The following USP45 variants were observed in gnomAD, a reference collection of about 807,000 sequenced individuals.
USP45 encodes the protein ubiquitin specific peptidase 45.
USP45 carries 89 observed loss-of-function variants against 95.8 expected under a neutral mutation model. The ratio of observed to expected loss-of-function variants is 0.93; its 90% CI spans 0.78 to 1.11. USP45 has a LOEUF of 1.11. Among genes scored for constraint, USP45 ranks in the 50% least tolerant of loss-of-function variants. The pLI is 0.00. For synonymous variants in USP45, 281 were observed against 316.2 expected (o/e 0.89, Z 1.18); for missense variants, 898 against 942.5 (o/e 0.95, Z 0.62).
intron 13 of USP45, among the ~76,000 whole-genome samples, chr6:99,450,384 C>T (rs951938932): frequency 6.6e-6 from 1 of 152,118 alleles, no homozygotes; most frequent in African/African-American, 2.4e-5. Flanking sequence ...TACAAACTAC[C>T]ATCAGAGAAT....
chr6:99,512,821 C>T lies in USP45; in HGVS notation c.-11+2571G>A, dbSNP rs1800191347. ...TCTCTACCTTCTCCCTCCAAACTTC[C>T]TCATCTACTCTCCCCTACAGTTCCA... is the stretch of plus-strand genomic sequence containing the variant. On this transcript the variant is annotated intron_variant, in intron 1 of 17. Transcript: ENST00000500704. 2.6e-5 allele frequency among the ~76,000 whole-genome samples: 3 copies of T among 115,622 alleles called. No individual in the cohort carries two copies. In the South Asian group the frequency reaches 1.1e-3, roughly 41 times the overall value. The allele number at this position is 115,622 out of a possible 152,430, so 75.9% of individuals were successfully genotyped here.
chr6:99,505,299 T>C (rs889620021), intron 4 of USP45, among the ~76,000 whole-genome samples: 1 of 152,160 alleles, frequency 6.6e-6, no homozygotes, highest in African/African-American at 2.4e-5. Flanking sequence ...AATTACCTGT[T>C]TCCTTTATCC....
chr6:99,487,795 C>T (rs576253838), intron 7 of USP45, among the ~76,000 whole-genome samples: 116 of 151,622 alleles, frequency 7.7e-4, no homozygotes, highest in African/African-American at 2.6e-3. Context: ...AGCGAGACCC[C>T]GTCTCAAAAA....
intron 13 of USP45, among the ~76,000 whole-genome samples, chr6:99,447,680 C>T (rs982844193): frequency 2.8e-4 from 42 of 152,278 alleles, no homozygotes; most frequent in African/African-American, 9.9e-4. Context: ...CCCTGTCTGA[C>T]AGCTTTGAAG....
chr6:99,514,504 A>G (rs757936429), intron 1 of USP45, among the ~76,000 whole-genome samples: 1 of 152,176 alleles, frequency 6.6e-6, no homozygotes, highest in Admixed American at 6.5e-5. Flanking sequence ...TTTAGCACAA[A>G]TATGTTCTGG....
At chr6:99,471,973 A>C (rs1021732168) in intron 9 of USP45, among the ~76,000 whole-genome samples, 7 of 152,206 alleles carry the variant, frequency 4.6e-5, no homozygotes, top group African/African-American at 1.7e-4. Flanking sequence ...AAAGCCTTCA[A>C]ATAGTGCAAG....
intron 5 of USP45, among the ~76,000 whole-genome samples, chr6:99,491,018 T>C (rs2128741030): frequency 6.6e-6 from 1 of 152,366 alleles, no homozygotes; most frequent in South Asian, 2.1e-4. Flanking sequence ...TTAAATGTTA[T>C]TGGTTGTTAT....
intron 11 of USP45, among the ~76,000 whole-genome samples, chr6:99,466,059 C>G (rs1173744970): frequency 1.3e-5 from 2 of 151,908 alleles, no homozygotes; most frequent in Non-Finnish European, 2.9e-5. Flanking sequence ...CTCTGTCACC[C>G]AGGCTATAGT....
chr6:99,498,986 G>A (rs1002637144), intron 5 of USP45, among the ~76,000 whole-genome samples: 7 of 152,036 alleles, frequency 4.6e-5, no homozygotes, highest in African/African-American at 1.7e-4. Context: ...GTGTTGCCCA[G>A]GATGGTCTCA....
intron 14 of USP45, among the ~76,000 whole-genome samples, chr6:99,444,518 C>T (rs1782115038): frequency 6.6e-6 from 1 of 152,168 alleles, no homozygotes; most frequent in Non-Finnish European, 1.5e-5. Flanking sequence ...CTTACATATG[C>T]ATGCCTGTCA....
At chr6:99,506,610 A>C (rs1020505803) in intron 4 of USP45, among the ~76,000 whole-genome samples, 9 of 152,128 alleles carry the variant, frequency 5.9e-5, no homozygotes, top group Non-Finnish European at 1.0e-4. Flanking sequence ...CGCCCCACAA[A>C]AAACTTGTTT....
intron 13 of USP45, chr6:99,461,758 A>C (rs2128615801): frequency 1.0e-6 from 1 of 984,668 alleles, no homozygotes; most frequent in Non-Finnish European, 1.2e-6. Context: ...CTCTAGTATA[A>C]TTTTAAAAGA....
intron 10 of USP45, among the ~76,000 whole-genome samples, chr6:99,467,044 T>A (rs1203073936): frequency 6.6e-6 from 1 of 152,124 alleles, no homozygotes; most frequent in Non-Finnish European, 1.5e-5. Flanking sequence ...ACCACTCCCA[T>A]TAAAACTTAT....
chr6:99,436,371 G>A (rs139870374), intron 17 of USP45, among the ~76,000 whole-genome samples: 1 of 152,064 alleles, frequency 6.6e-6, no homozygotes, highest in African/African-American at 2.4e-5. Flanking sequence ...AGCCAACATG[G>A]TGAAACCCCG....
intron 7 of USP45, among the ~76,000 whole-genome samples, chr6:99,487,525 C>T (rs1031611659): frequency 6.6e-6 from 1 of 151,318 alleles, no homozygotes; most frequent in Admixed American, 6.6e-5. Context: ...CGTGGTGGCT[C>T]ACGCCTGTAA....
intron 1 of USP45, among the ~76,000 whole-genome samples, chr6:99,511,243 C>T (rs2128818779): frequency 6.6e-6 from 1 of 152,034 alleles, no homozygotes; most frequent in South Asian, 2.1e-4. Context: ...CCTCCACGTC[C>T]TGGGTTCAAG....
In USP45 at chr6:99,439,795, C is replaced by G. The variant is rs1187806897; in HGVS notation, c.2134G>C (p.Ala712Pro). 1 of 1,606,930 alleles carries G rather than the reference C, an allele frequency of 6.2e-7. No homozygotes were observed. The highest frequency in any genetic ancestry group is 1.1e-5 in the South Asian group (1 of 89,854). Residue 712 changes from alanine (A) to proline (P), a missense_variant, in exon 16 of 18, where the codon GCA becomes CCA. Ala to Pro is a conservative substitution (Grantham distance 27, BLOSUM62 -1). Transcript: ENST00000500704. ...TTACAAGTAGCAGAGCAGAATGGTG[C>G]TAAATCGAGCATAAGTGGAAAATCT... ...HVDFPLMLDL[A>P]PFCSATCKNA... is the part of the protein sequence containing the mutation.
chr6:99,466,816 A>G, intron 10 of USP45, 53 bp from the exon 11 acceptor site: 1 of 1,329,450 alleles, frequency 7.5e-7, no homozygotes. Flanking sequence ...TCCATCTAGC[A>G]GTATAATAGG....
Position 99,439,791 on chromosome 6 carries a change from G to T in USP45, c.2138C>A (p.Pro713Gln), listed in dbSNP as rs749779136. ...VDFPLMLDLA[P>Q]FCSATCKNAS... Reference sequence around the variant, plus strand: ...TACCTTACAAGTAGCAGAGCAGAATGGTGCTAAATCGAGCATAAGTGGAAA... The same window carrying T: ...TACCTTACAAGTAGCAGAGCAGAATTGTGCTAAATCGAGCATAAGTGGAAA... The change falls in exon 16 of 18, where the codon CCA becomes CAA. Residue 713 changes from proline to glutamine, a missense_variant. Coordinates refer to ENST00000500704, the MANE Select transcript of USP45 (RefSeq NM_001346022.3). 1 of 1,603,494 alleles carries T rather than the reference G, an allele frequency of 6.2e-7. No homozygotes were observed. The highest frequency in any genetic ancestry group is 8.5e-7 in the Non-Finnish European group (1 of 1,174,492).
Sources: gnomAD v4.1 joint callset for allele counts (sites outside exome capture counted in the v4.1 genomes callset) on GRCh38, gnomAD v4.1.1 for gene constraint, MANE v1.5 for transcripts, NCBI Gene and HGNC (gene_info 2026-07-23, HGNC 2026-07-21) for gene names.